The following HECW1 variants were observed in gnomAD, a reference collection of about 807,000 sequenced individuals.
HECW1 encodes HECT, C2 and WW domain containing E3 ubiquitin protein ligase 1.
HECW1 carries 61 observed loss-of-function variants against 182.3 expected under a neutral mutation model. The ratio of observed to expected loss-of-function variants is 0.33; its 90% CI spans 0.27 to 0.41. HECW1 has a LOEUF of 0.41. Among genes scored for constraint, HECW1 ranks in the 10% least tolerant of loss-of-function variants. HECW1 has a pLI of 1.00. For synonymous variants in HECW1, 859 were observed against 832.6 expected, an observed-to-expected ratio of 1.03 and a Z score of -0.55; for missense variants, 1,739 against 2,108.9, an observed-to-expected ratio of 0.82 and a Z score of 3.44.
chr7:43,273,963 T>G (rs1802759201), intron 3 of HECW1, among the ~76,000 whole-genome samples: 1 of 151,946 alleles, frequency 6.6e-6, no homozygotes, highest in Non-Finnish European at 1.5e-5. Context: ...GCGATTCTCC[T>G]ACCTCAGCCT....
At position 43,445,225 on chromosome 7, in the gene HECW1, T is replaced by G. The variant is rs371914325; in HGVS notation, c.2053T>G (p.Ser685Ala). 7 of 1,613,046 alleles carry G rather than the reference T, an allele frequency of 4.3e-6. No individual in the cohort carries two copies. In the South Asian group the frequency reaches 7.7e-5, roughly 18 times the overall value. Residue 685 changes from serine to alanine, a missense_variant, in exon 11 of 30, where the codon TCC becomes GCC. This residue lies in a region of HECW1 where 971 missense variants were observed against 1,029.1 expected (regional missense o/e 0.94). Transcript: ENST00000395891. ...ASCCSPSCYSSSCYSTSCYSS... is the reference protein window; with the variant it reads ...ASCCSPSCYSASCYSTSCYSS... ...CTGCTGCAGCCCCTCGTGCTACAGCTCCTCGTGCTACAGCACGTCCTGCTA... is the reference window on the plus strand; with the variant it reads ...CTGCTGCAGCCCCTCGTGCTACAGCGCCTCGTGCTACAGCACGTCCTGCTA...
At position 43,345,454 on chromosome 7, in the gene HECW1, G is replaced by A. The variant is rs1292501348; in HGVS notation, c.461-15432G>A. Among the ~76,000 whole-genome samples, 6 of 151,922 alleles carry A rather than the reference G, an allele frequency of 3.9e-5. 1 individual carries two copies. The highest frequency in any genetic ancestry group is 1.2e-4 in the African/African-American group (5 of 41,374). ...TATTATTTTATTTTATTTTCCATAA[G>A]TTATTGGGGTACAAGTGGTATTTGG... On this transcript the variant is annotated intron_variant, in intron 5 of 29. Coordinates refer to ENST00000395891, the MANE Select transcript of HECW1 (RefSeq NM_015052.5).
intron 2 of HECW1, among the ~76,000 whole-genome samples, chr7:43,205,257 G>T (rs1428312361): frequency 1.3e-5 from 2 of 152,084 alleles, no homozygotes; most frequent in Admixed American, 1.3e-4. Context: ...CTAACTGTTT[G>T]TATTTTTAGT....
At chr7:43,128,821 T>G (rs1358307977) in intron 2 of HECW1, among the ~76,000 whole-genome samples, 2 of 151,904 alleles carry the variant, frequency 1.3e-5, no homozygotes, top group Admixed American at 6.5e-5. Flanking sequence ...TTAACAGGAC[T>G]TTGGAAGACA....
intron 4 of HECW1, among the ~76,000 whole-genome samples, chr7:43,315,891 T>G (rs1384517845): frequency 6.6e-6 from 1 of 152,170 alleles, no homozygotes; most frequent in East Asian, 1.9e-4. Context: ...TGAATTACTC[T>G]GAAAAATGGA....
At chr7:43,160,002 A>T (rs1790365645) in intron 2 of HECW1, among the ~76,000 whole-genome samples, 1 of 152,166 alleles carries the variant, frequency 6.6e-6, no homozygotes, top group Non-Finnish European at 1.5e-5. Context: ...TATAGTACAT[A>T]CATTATTTTC....
chr7:43,521,502 C>T (rs541638719), intron 24 of HECW1, among the ~76,000 whole-genome samples: 18 of 152,286 alleles, frequency 1.2e-4, no homozygotes, highest in African/African-American at 4.1e-4. Flanking sequence ...CCTTGGAATA[C>T]GTCATGGCTG....
At chr7:43,192,092 T>G (rs1159504237) in intron 2 of HECW1, among the ~76,000 whole-genome samples, 1 of 152,054 alleles carries the variant, frequency 6.6e-6, no homozygotes, top group Non-Finnish European at 1.5e-5. Context: ...CCTGAGTAGC[T>G]GGGATTACAG....
chr7:43,325,729 G>A (rs955157185), intron 5 of HECW1, among the ~76,000 whole-genome samples: 6 of 152,004 alleles, frequency 3.9e-5, no homozygotes, highest in South Asian at 2.1e-4. Context: ...TCCTGCCCCC[G>A]CCAGTCAGCA....
intron 9 of HECW1, among the ~76,000 whole-genome samples, chr7:43,441,219 A>G (rs2076876412): frequency 6.6e-6 from 1 of 152,194 alleles, no homozygotes; most frequent in African/African-American, 2.4e-5. Context: ...TCTTTTTATA[A>G]TTAAGAAATT....
intron 2 of HECW1, among the ~76,000 whole-genome samples, chr7:43,161,104 G>A (rs1331103624): frequency 6.6e-6 from 1 of 151,930 alleles, no homozygotes; most frequent in East Asian, 1.9e-4. Context: ...TCCAGGGAGT[G>A]GTGACACACA....
chr7:43,135,979 C>CTTTT (rs34511113), intron 2 of HECW1, among the ~76,000 whole-genome samples: 19 of 143,566 alleles, frequency 1.3e-4, no homozygotes, highest in Admixed American at 4.1e-4. Context: ...ACCATTTACA[C>CTTTT]TTTTTTTTTT....
intron 21 of HECW1, among the ~76,000 whole-genome samples, chr7:43,503,011 T>G (rs988948446): frequency 1.3e-5 from 2 of 152,092 alleles, no homozygotes; most frequent in Non-Finnish European, 2.9e-5. Flanking sequence ...CAGACTAGAG[T>G]ATCTTTTAGT....
At chr7:43,304,616 G>A (rs1021281865) in intron 3 of HECW1, among the ~76,000 whole-genome samples, 3 of 152,044 alleles carry the variant, frequency 2.0e-5, no homozygotes, top group African/African-American at 7.2e-5. Context: ...TCAGCCTCCT[G>A]GGATAGCTGG....
Position 43,507,156 on chromosome 7 carries a change from A to G in HECW1, c.3651A>G (p.Ala1217=), listed in dbSNP as rs1170009848. The stretch of plus-strand genomic sequence containing the variant: ...CTGCAGGTTTACAGAGAGCCAGTGC[A>G]AGAGCCCCTTCCCCCTACCGAAGAG... ...QNSPGLQRAS[A]RAPSPYRRDF... is the part of the protein sequence containing the mutation. The change falls in exon 22 of 30, where the codon GCA becomes GCG. Residue 1217 remains alanine, a synonymous_variant. Coordinates refer to ENST00000395891, the MANE Select transcript of HECW1 (RefSeq NM_015052.5). The G allele has an allele frequency of 1.2e-6, 2 of 1,613,930 alleles. No individual in the cohort carries two copies. The highest frequency in any genetic ancestry group is 1.7e-5 in the Admixed American group (1 of 60,006).
chr7:43,369,043 C>T (rs914056773), intron 6 of HECW1, among the ~76,000 whole-genome samples: 1 of 152,130 alleles, frequency 6.6e-6, no homozygotes, highest in Non-Finnish European at 1.5e-5. Flanking sequence ...TTCATGGGCA[C>T]ATTTGCACAT....
At chr7:43,220,782 A>G (rs1198118324) in intron 2 of HECW1, among the ~76,000 whole-genome samples, 10 of 152,204 alleles carry the variant, frequency 6.6e-5, no homozygotes, top group African/African-American at 2.2e-4. Flanking sequence ...GAAAGCCACC[A>G]ATCCCTTCCA....
In HECW1 at chr7:43,558,796, G is replaced by A. The variant is rs1410571261; in HGVS notation, c.4710-3019G>A. 2.6e-5 allele frequency among the ~76,000 whole-genome samples: 4 copies of A among 152,148 alleles called. No individual in the cohort carries two copies. The East Asian group carries it at 5.8e-4, about 22-fold the overall frequency. On this transcript the variant is annotated intron_variant, in intron 29 of 29. Transcript: ENST00000395891. ...GAGAAACCAAGGAGAAGCCAAGGAGGGAGATGTTCCAGAGGAAGAGCTGTC... is the reference window on the plus strand; with the variant it reads ...GAGAAACCAAGGAGAAGCCAAGGAGAGAGATGTTCCAGAGGAAGAGCTGTC...
At chr7:43,306,990 A>G (rs1021536592) in intron 3 of HECW1, among the ~76,000 whole-genome samples, 3 of 152,222 alleles carry the variant, frequency 2.0e-5, no homozygotes. Context: ...AATTCAAAAC[A>G]TTTCAACAAT....
Sources: allele counts gnomAD v4.1 joint callset (sites outside exome capture counted in the v4.1 genomes callset), GRCh38; gene constraint gnomAD v4.1.1; regional missense constraint gnomAD v4.1.1; transcripts MANE v1.5; gene names NCBI Gene and HGNC (gene_info 2026-07-23, HGNC 2026-07-21).